The following BICD1 variants were observed in gnomAD, a reference collection of about 807,000 sequenced individuals.
BICD1 encodes BICD cargo adaptor 1.
A neutral mutation model predicts 92.5 loss-of-function variants in BICD1; 35 were observed. The observed-to-expected ratio is 0.38, with a 90% CI of 0.29 to 0.50. The LOEUF (loss-of-function observed/expected upper bound fraction) is 0.50. Ranked by LOEUF, BICD1 falls within the 20% of genes least tolerant of loss-of-function variation. The pLI is 0.93. For synonymous variants in BICD1, 429 were observed against 465.1 expected, an observed-to-expected ratio of 0.92 and a Z score of 1.00; for missense variants, 950 against 1,189.8, an observed-to-expected ratio of 0.80 and a Z score of 2.97.
rs1248504065 is a variant in BICD1, at chr12:32,216,283, G to T, written c.250G>T (p.Ala84Ser). Residue 84 changes from alanine to serine, a missense_variant, in exon 2 of 10, where the codon GCT becomes TCT. Transcript: ENST00000652176. Reference sequence around the variant, plus strand: ...GTCCTTCTCCATCCACCGGAAGGTTGCTGAAGATGGAGAGACTCGGGAGGA... The same window carrying T: ...GTCCTTCTCCATCCACCGGAAGGTTTCTGAAGATGGAGAGACTCGGGAGGA... Reference protein sequence around the residue: ...GQSFSIHRKVAEDGETREETL... With the variant: ...GQSFSIHRKVSEDGETREETL... 4 of 1,613,900 alleles carry T rather than the reference G, an allele frequency of 2.5e-6. No individual in the cohort carries two copies. The highest frequency in any genetic ancestry group is 3.4e-6 in the Non-Finnish European group (4 of 1,180,014).
chr12:32,237,989 T>C (rs1340702530), intron 2 of BICD1, among the ~76,000 whole-genome samples: 1 of 152,232 alleles, frequency 6.6e-6, no homozygotes, highest in Non-Finnish European at 1.5e-5. Flanking sequence ...GCAAAGTCTA[T>C]TGAAAACCTT....
Position 32,327,939 on chromosome 12 carries a change from A to C in BICD1, c.1484A>C (p.Asn495Thr), listed in dbSNP as rs116296656. 1.2e-6 allele frequency: 2 copies of C among 1,614,186 alleles called. No individual in the cohort carries two copies. Among genetic ancestry groups the C allele is most frequent in the African/African-American group, 2.7e-5 (2 of 75,058 alleles). Residue 495 changes from asparagine to threonine, a missense_variant, in exon 5 of 10, where the codon AAC (asparagine) becomes ACC (threonine). This residue lies in a region of BICD1 where 309 missense variants were observed against 499.4 expected (regional missense o/e 0.62). Transcript: ENST00000652176. ...TTGCAAAAGATGACCAGCATAGCCA[A>C]CGAAAATCACAGTACCCTTAATACG... ...KELQKMTSIA[N>T]ENHSTLNTAQ...
chr12:32,141,070 A>G (rs979823418), intron 1 of BICD1, among the ~76,000 whole-genome samples: 5 of 152,352 alleles, frequency 3.3e-5, no homozygotes, highest in Admixed American at 6.5e-5. Flanking sequence ...TCGAGGGCAT[A>G]TAAGTTCAGA....
chr12:32,370,866 G>A lies in BICD1; in HGVS notation c.2840+3121G>A, dbSNP rs151171737. Among the ~76,000 whole-genome samples, 329 of 152,198 alleles carry A rather than the reference G, an allele frequency of 2.2e-3. 1 individual carries two copies. The highest frequency in any genetic ancestry group is 7.5e-3 in the African/African-American group (313 of 41,526). ...TAATTTGCTGAAGAAAGCGTGGAGC[G>A]GGCTGCTGTTTTGTTTGCTTCAGAG... On this transcript the variant is annotated intron_variant, in intron 9 of 9. Coordinates refer to ENST00000652176, the MANE Select transcript of BICD1 (RefSeq NM_001714.4).
chr12:32,121,288 A>AT (rs1942141164), intron 1 of BICD1, among the ~76,000 whole-genome samples: 1 of 77,014 alleles, frequency 1.3e-5, no homozygotes, highest in Non-Finnish European at 2.7e-5. Context: ...AATTCATACC[A>AT]GATCTTAATT....
chr12:32,245,550 ATCTGAAG>A (rs1281909241), intron 2 of BICD1, among the ~76,000 whole-genome samples: 1 of 152,208 alleles, frequency 6.6e-6, no homozygotes, highest in Non-Finnish European at 1.5e-5. Context: ...AAGGCATGGG[ATCTGAAG>A]TCAGAGAGAC....
chr12:32,132,472 G>T (rs1942585386), intron 1 of BICD1, among the ~76,000 whole-genome samples: 1 of 151,810 alleles, frequency 6.6e-6, no homozygotes, highest in South Asian at 2.1e-4. Context: ...TGTGAAAATG[G>T]CAAATGGCAT....
intron 6 of BICD1, 143 bp downstream of exon 6, chr12:32,334,810 T>A: frequency 2.3e-6 from 2 of 879,260 alleles, no homozygotes; most frequent in Non-Finnish European, 3.2e-6. Flanking sequence ...GGAAGTCCAC[T>A]CTGACGTATC....
intron 2 of BICD1, among the ~76,000 whole-genome samples, chr12:32,226,158 G>A (rs1347292679): frequency 5.3e-5 from 8 of 151,946 alleles, no homozygotes; most frequent in Admixed American, 2.0e-4. Context: ...GCTTTGAGAC[G>A]GAGTCTCGCT....
chr12:32,327,933 T>G lies in BICD1; in HGVS notation c.1478T>G (p.Ile493Arg), dbSNP rs1948829069. 1 of 1,613,972 alleles carries G rather than the reference T, an allele frequency of 6.2e-7. No individual in the cohort carries two copies. ...MEKELQKMTS[I>R]ANENHSTLNT... ...AAGGAGTTGCAAAAGATGACCAGCA[T>G]AGCCAACGAAAATCACAGTACCCTT... The change falls in exon 5 of 10, where the codon ATA becomes AGA. Residue 493 changes from isoleucine to arginine, a missense_variant. Ile to Arg is a moderately conservative substitution (Grantham distance 97). Around this residue, in one of 5 missense-constraint regions of BICD1, gnomAD observed 309 missense variants for 499.4 expected, o/e 0.62. Coordinates refer to ENST00000652176, the MANE Select transcript of BICD1 (RefSeq NM_001714.4).
At chr12:32,224,825 C>T (rs150143716) in intron 2 of BICD1, among the ~76,000 whole-genome samples, 300 of 152,254 alleles carry the variant, frequency 2.0e-3, no homozygotes, top group African/African-American at 6.5e-3. Flanking sequence ...CCTCAGCCTC[C>T]TGAGTAGCTA....
Position 32,220,402 on chromosome 12 carries a change from A to G in BICD1, c.426+3943A>G, listed in dbSNP as rs1945480296. 2.0e-5 allele frequency among the ~76,000 whole-genome samples: 3 copies of G among 152,206 alleles called. No individual in the cohort carries two copies. The South Asian group carries it at 6.2e-4, about 31-fold the overall frequency. The stretch of plus-strand genomic sequence containing the variant: ...GAACTCAAACAAATTTACAAGAAAA[A>G]AACCAACAACCCCGTCAAAAAGTGG... On this transcript the variant is annotated intron_variant, in intron 2 of 9. Coordinates refer to ENST00000652176, the MANE Select transcript of BICD1 (RefSeq NM_001714.4).
chr12:32,236,303 G>A (rs1946071995), intron 2 of BICD1, among the ~76,000 whole-genome samples: 1 of 151,892 alleles, frequency 6.6e-6, no homozygotes, highest in African/African-American at 2.4e-5. Context: ...GCTGAGGCAG[G>A]AGAATCGCTT....
At chr12:32,274,142 A>G (rs968186030) in intron 2 of BICD1, among the ~76,000 whole-genome samples, 14 of 152,176 alleles carry the variant, frequency 9.2e-5, no homozygotes, top group African/African-American at 3.4e-4. Context: ...TTTAATGTAG[A>G]TTGTAAGAGG....
At chr12:32,367,834 C>T in intron 9 of BICD1, 89 bp downstream of exon 9, 5 of 1,174,848 alleles carry the variant, frequency 4.3e-6, no homozygotes, top group African/African-American at 1.5e-5. Context: ...ACTGCCTACG[C>T]ATCATTGTAT....
At chr12:32,366,551 C>CAGG (rs1439262286) in intron 8 of BICD1, among the ~76,000 whole-genome samples, 2 of 152,160 alleles carry the variant, frequency 1.3e-5, no homozygotes, top group Non-Finnish European at 2.9e-5. Flanking sequence ...GAGGCTGAGG[C>CAGG]AGGAGAATCG....
chr12:32,116,506 CTCTCTATA>C (rs1310797042), intron 1 of BICD1, among the ~76,000 whole-genome samples: 25 of 86,916 alleles, frequency 2.9e-4, no homozygotes, highest in African/African-American at 9.9e-4. Context: ...CTCTCTCTCT[CTCTCTATA>C]TATATATATA....
chr12:32,364,594 T>C (rs1288650655), intron 8 of BICD1, among the ~76,000 whole-genome samples: 1 of 152,222 alleles, frequency 6.6e-6, no homozygotes, highest in African/African-American at 2.4e-5. Context: ...CTATGAAATT[T>C]GTTTTTTATT....
intron 8 of BICD1, among the ~76,000 whole-genome samples, chr12:32,351,487 CAAAAAAAA>C (rs35002678): frequency 5.2e-5 from 3 of 57,226 alleles, no homozygotes; most frequent in East Asian, 5.5e-4. Flanking sequence ...GACTCTGTCT[CAAAAAAAA>C]AAAAAAAAAA....
Sources: gnomAD v4.1 joint callset for allele counts (sites outside exome capture counted in the v4.1 genomes callset) on GRCh38, gnomAD v4.1.1 for gene constraint, gnomAD v4.1.1 regional missense constraint, MANE v1.5 for transcripts, NCBI Gene and HGNC (gene_info 2026-07-23, HGNC 2026-07-21) for gene names.